The following HGS variants were observed in gnomAD, a reference collection of about 807,000 sequenced individuals.
The protein encoded by HGS is human growth factor-regulated tyrosine kinase substrate.
A neutral mutation model predicts 109.7 loss-of-function variants in HGS; 63 were observed. The observed-to-expected ratio is 0.57, with a 90% CI of 0.47 to 0.71. HGS has a LOEUF of 0.71. HGS is among the 30% of genes least tolerant of loss of function. The pLI, the probability that HGS is intolerant of heterozygous loss-of-function variation, is 0.00. For synonymous variants in HGS, 546 were observed against 437.3 expected (o/e 1.25, Z -3.10); for missense variants, 995 against 1,068.3 (o/e 0.93, Z 0.96).
At chr17:81,690,570 G>C (rs1054477193) in intron 6 of HGS, 104 bp from the exon 7 acceptor site, 68 of 1,140,286 alleles carry the variant, frequency 6.0e-5, no homozygotes, top group Non-Finnish European at 7.9e-5. Context: ...GCTCGTGCTG[G>C]GGTCCTCTCT....
chr17:81,701,788 G>T lies in HGS; in HGVS notation c.*170G>T, dbSNP rs2037242602. 1 of 971,296 alleles carries T rather than the reference G, an allele frequency of 1.0e-6. No individual in the cohort carries two copies. Among genetic ancestry groups the T allele is most frequent in the Non-Finnish European group, 1.4e-6 (1 of 692,194 alleles). The allele number at this position is 971,296 out of a possible 1,614,324, so 60.2% of individuals were successfully genotyped here. Reference sequence around the variant, plus strand: ...CCACCTCCCTTGTCCTCAGCCTACTGCAGTCCCTGAGTTAGTCTCTGCTTT... The same window carrying T: ...CCACCTCCCTTGTCCTCAGCCTACTTCAGTCCCTGAGTTAGTCTCTGCTTT... On this transcript the variant is annotated 3_prime_UTR_variant, in exon 22 of 22. Coordinates refer to ENST00000329138, the MANE Select transcript of HGS (RefSeq NM_004712.5).
At chr17:81,689,196 C>T (rs1051393562) in intron 5 of HGS, among the ~76,000 whole-genome samples, 3 of 152,316 alleles carry the variant, frequency 2.0e-5, no homozygotes, top group Middle Eastern at 3.4e-3. Context: ...CCAGAGCCGG[C>T]GTGAGCAGGC....
intron 18 of HGS, among the ~76,000 whole-genome samples, chr17:81,698,601 C>T (rs1212889858): frequency 2.0e-5 from 3 of 152,110 alleles, no homozygotes; most frequent in Non-Finnish European, 4.4e-5. Context: ...GCCCTTGTTC[C>T]CTTTAGTGGA....
At chr17:81,687,526 G>C (rs980317814) in intron 4 of HGS, among the ~76,000 whole-genome samples, 1 of 152,224 alleles carries the variant, frequency 6.6e-6, no homozygotes, top group African/African-American at 2.4e-5. Flanking sequence ...AGGGCTCTGA[G>C]CGGGGGCTTG....
intron 18 of HGS, among the ~76,000 whole-genome samples, chr17:81,699,798 C>G (rs190992613): frequency 6.7e-6 from 1 of 148,356 alleles, no homozygotes; most frequent in African/African-American, 2.5e-5. Flanking sequence ...AACTCCTGGC[C>G]GGGCGGTGGC....
At chr17:81,688,849 G>A (rs1310752919) in intron 5 of HGS, 22 bp downstream of exon 5, 2 of 1,613,968 alleles carry the variant, frequency 1.2e-6, no homozygotes, top group South Asian at 2.2e-5. Flanking sequence ...CTGAGGTTGG[G>A]ACCAGGTTGA....
intron 8 of HGS, 47 bp from the exon 9 acceptor site, chr17:81,693,456 G>A: frequency 7.0e-7 from 1 of 1,430,754 alleles, no homozygotes; most frequent in Non-Finnish European, 9.8e-7. Flanking sequence ...GGCGGGGGCA[G>A]GGCGGTGTCA....
intron 5 of HGS, among the ~76,000 whole-genome samples, chr17:81,689,567 T>C (rs1168894489): frequency 2.6e-5 from 4 of 152,078 alleles, no homozygotes; most frequent in Non-Finnish European, 5.9e-5. Flanking sequence ...TCTGTGGCCC[T>C]GAGTCTGCTG....
chr17:81,691,390 G>T lies in HGS; in HGVS notation c.538-57G>T. The T allele has an allele frequency of 6.2e-7, 1 of 1,607,658 alleles. No homozygotes were observed. On this transcript the variant is annotated intron_variant, in intron 7 of 21. Transcript: ENST00000329138. The surrounding 1 kb of genome is among the most constrained non-coding windows in gnomAD (Gnocchi z 5.3). ...ATCGTACGGGGTGGTTCTGGGCCGG[G>T]TGGCGCATCAGGGTCCCCCAGTGCC...
intron 14 of HGS, 135 bp downstream of exon 14, chr17:81,695,358 G>C (rs752389009): frequency 2.1e-5 from 19 of 920,844 alleles, no homozygotes; most frequent in African/African-American, 6.6e-5. Context: ...CCCAGCCCTG[G>C]CCTGCCCTGC....
chr17:81,690,546 G>A (rs1402328896), intron 6 of HGS, 128 bp from the exon 7 acceptor site: 45 of 888,880 alleles, frequency 5.1e-5, no homozygotes, highest in Non-Finnish European at 6.9e-5. Context: ...AGGGCCGCCC[G>A]GGGCATTGCT....
Position 81,700,679 on chromosome 17 carries a change from C to T in HGS, c.2017-16C>T, listed in dbSNP as rs777077653. The T allele has an allele frequency of 6.9e-6, 11 of 1,604,646 alleles. No individual in the cohort carries two copies. Among genetic ancestry groups the T allele is most frequent in the Non-Finnish European group, 9.4e-6 (11 of 1,175,656 alleles). On this transcript the variant is annotated splice_polypyrimidine_tract_variant and intron_variant, in intron 19 of 21. Coordinates refer to ENST00000329138, the MANE Select transcript of HGS (RefSeq NM_004712.5). ...AGCCCCAGCCCCTTCTCCCATGGCA[C>T]TCATTCCCTCCGCAGAACGTGGCCT...
intron 3 of HGS, among the ~76,000 whole-genome samples, chr17:81,686,778 C>T (rs1277443451): frequency 6.6e-6 from 1 of 151,912 alleles, no homozygotes; most frequent in African/African-American, 2.4e-5. Context: ...GGGTTCCCCA[C>T]CGGCCACTGA....
rs767432601 is a variant in HGS at position 81,693,596 on chromosome 17, C to T, written c.741+15C>T. 3.2e-6 allele frequency: 5 copies of T among 1,573,962 alleles called. No individual in the cohort carries two copies. The highest frequency in any genetic ancestry group is 2.7e-5 in the African/African-American group (2 of 74,116). On this transcript the variant is annotated intron_variant, in intron 9 of 21. Transcript: ENST00000329138. The stretch of plus-strand genomic sequence containing the variant: ...AGCAGTCCCAGGTACTCAGCCCCCT[C>T]CGTCCCGTGGGCACCTCTTCCCCGG...
chr17:81,688,864 T>C (rs1352610149), intron 5 of HGS, 37 bp downstream of exon 5: 4 of 1,613,184 alleles, frequency 2.5e-6, no homozygotes, highest in Non-Finnish European at 3.4e-6. Flanking sequence ...GGTTGAGGCT[T>C]GGAACTGCTG....
rs1425928412 is a variant in HGS at position 81,691,871 on chromosome 17, C to G, written c.662+300C>G. On this transcript the variant is annotated intron_variant, in intron 8 of 21. Coordinates refer to ENST00000329138, the MANE Select transcript of HGS (RefSeq NM_004712.5). The surrounding 1 kb of genome is among the most constrained non-coding windows in gnomAD (Gnocchi z 5.3). ...ATTTCAACTTTCGGAATAAAACTTA[C>G]AGAAAAGTTGCAAGAGTAGCACAGA... 6.6e-6 allele frequency: 2 copies of G among 303,502 alleles called. No homozygotes were observed. Among genetic ancestry groups the G allele is most frequent in the Non-Finnish European group, 1.3e-5 (2 of 158,060 alleles). The allele number at this position is 303,502 out of a possible 1,614,324, so 18.8% of individuals were successfully genotyped here. A position where few individuals can be genotyped will look rare whatever the true frequency, so the allele number is the denominator to read the frequency against.
Position 81,693,539 on chromosome 17 carries a change from GCCC to G in HGS, c.703_705del (p.Pro235del). On this transcript the variant is annotated inframe_deletion, in exon 9 of 22. Transcript: ENST00000329138. The stretch of plus-strand genomic sequence containing the variant: ...GAAAGGCCACTTCCACCACTGAGCT[GCCC>G]CCCGAGTACCTGACCAGCCCCCTGT... The G allele has an allele frequency of 1.2e-6, 2 of 1,613,104 alleles. No individual in the cohort carries two copies. The highest frequency in any genetic ancestry group is 1.7e-6 in the Non-Finnish European group (2 of 1,179,614).
In HGS at chr17:81,693,575, G is replaced by T. The variant is rs532081649; in HGVS notation, c.735G>T (p.Gln245His). The T allele has an allele frequency of 2.5e-5, 40 of 1,607,930 alleles. No individual in the cohort carries two copies. Among genetic ancestry groups the T allele is most frequent in the Non-Finnish European group, 2.6e-5 (31 of 1,175,506 alleles). Reference sequence around the variant, plus strand: ...ACCTGACCAGCCCCCTGTCTCAGCAGTCCCAGGTACTCAGCCCCCTCCGTC... The same window carrying T: ...ACCTGACCAGCCCCCTGTCTCAGCATTCCCAGGTACTCAGCCCCCTCCGTC... The part of the protein sequence containing the change: ...PEYLTSPLSQ[Q>H]SQLPPKRDET... Residue 245 changes from glutamine to histidine, a missense_variant, in exon 9 of 22, where the codon CAG becomes CAT. Gln to His is a conservative substitution (Grantham distance 24). Coordinates refer to ENST00000329138, the MANE Select transcript of HGS (RefSeq NM_004712.5).
chr17:81,690,845 G>A (rs1311759613), intron 7 of HGS, 103 bp downstream of exon 7: 2 of 1,020,548 alleles, frequency 2.0e-6, no homozygotes, highest in East Asian at 5.0e-5. Context: ...CTGGTGGGTG[G>A]TTCAGGAGGT....
Sources: allele counts gnomAD v4.1 joint callset (sites outside exome capture counted in the v4.1 genomes callset), GRCh38; gene constraint gnomAD v4.1.1; non-coding constraint Gnocchi (gnomAD v3.1); transcripts MANE v1.5; gene names NCBI Gene and HGNC (gene_info 2026-07-23, HGNC 2026-07-21).